Variants in HPSE2 observed in about 807,000 individuals in gnomAD.
HPSE2 encodes the protein inactive heparanase-2.
A neutral mutation model predicts 60.5 loss-of-function variants in HPSE2; 38 were observed. The ratio of observed to expected loss-of-function variants is 0.63; its 90% CI spans 0.48 to 0.82. HPSE2 has a LOEUF of 0.82. Ranked by LOEUF, HPSE2 falls within the 40% of genes least tolerant of loss-of-function variation. HPSE2 has a pLI of 0.00. For synonymous variants in HPSE2, 295 were observed against 293.2 expected (o/e 1.01, Z -0.06); for missense variants, 713 against 740.4 (o/e 0.96, Z 0.43).
intron 9 of HPSE2, among the ~76,000 whole-genome samples, chr10:98,590,794 T>C (rs1371121092): frequency 1.3e-5 from 2 of 152,198 alleles, no homozygotes; most frequent in African/African-American, 4.8e-5. Context: ...CCAGACTGCC[T>C]GGATTTGAAT....
intron 6 of HPSE2, among the ~76,000 whole-genome samples, chr10:98,680,017 A>G (rs1356911712): frequency 2.0e-5 from 3 of 152,128 alleles, no homozygotes; most frequent in African/African-American, 7.2e-5. Flanking sequence ...TTTTTTGAAA[A>G]CTGATTTTTA....
At chr10:98,808,001 T>C (rs1951081281) in intron 3 of HPSE2, among the ~76,000 whole-genome samples, 1 of 152,190 alleles carries the variant, frequency 6.6e-6, no homozygotes, top group Non-Finnish European at 1.5e-5. Context: ...GATAAGTTCT[T>C]CTCAGCTTCA....
intron 2 of HPSE2, among the ~76,000 whole-genome samples, chr10:99,165,537 T>G (rs149182467): frequency 1.3e-4 from 20 of 150,428 alleles, no homozygotes; most frequent in African/African-American, 3.7e-4. Flanking sequence ...ACGTATTTAT[T>G]TATTTATTTA....
At chr10:99,162,030 T>A (rs1342596643) in intron 2 of HPSE2, among the ~76,000 whole-genome samples, 1 of 152,132 alleles carries the variant, frequency 6.6e-6, no homozygotes, top group East Asian at 1.9e-4. Context: ...CTGAGGAGAA[T>A]GGGTATGAAG....
At chr10:98,739,321 G>A (rs900116935) in intron 4 of HPSE2, among the ~76,000 whole-genome samples, 3 of 151,954 alleles carry the variant, frequency 2.0e-5, no homozygotes, top group Admixed American at 6.6e-5. Context: ...GTGGTCTGTC[G>A]TGGGGAGTGG....
At chr10:99,078,957 A>G (rs1343056821) in intron 3 of HPSE2, among the ~76,000 whole-genome samples, 3 of 152,134 alleles carry the variant, frequency 2.0e-5, no homozygotes, top group African/African-American at 7.2e-5. Flanking sequence ...ATTCCAAGAT[A>G]AACGAGACTG....
At chr10:98,595,068 T>C (rs1468313162) in intron 9 of HPSE2, among the ~76,000 whole-genome samples, 1 of 152,120 alleles carries the variant, frequency 6.6e-6, no homozygotes, top group East Asian at 1.9e-4. Flanking sequence ...TCTTCTTCAA[T>C]TTTTTTCATC....
At chr10:98,757,978 G>A (rs1949916693) in intron 3 of HPSE2, among the ~76,000 whole-genome samples, 1 of 152,054 alleles carries the variant, frequency 6.6e-6, no homozygotes, top group Non-Finnish European at 1.5e-5. Flanking sequence ...CACAGTACTG[G>A]TACAAAAACT....
At chr10:98,799,601 G>T (rs1356629450) in intron 3 of HPSE2, among the ~76,000 whole-genome samples, 2 of 151,722 alleles carry the variant, frequency 1.3e-5, no homozygotes, top group African/African-American at 4.8e-5. Context: ...GACCATAATG[G>T]AATAAAACTA....
intron 3 of HPSE2, among the ~76,000 whole-genome samples, chr10:99,032,040 A>C (rs1478146164): frequency 6.6e-6 from 1 of 152,194 alleles, no homozygotes; most frequent in African/African-American, 2.4e-5. Flanking sequence ...TGTCTACATC[A>C]ATCACACCAC....
intron 2 of HPSE2, among the ~76,000 whole-genome samples, chr10:99,197,231 T>C (rs1848430799): frequency 6.6e-6 from 1 of 152,022 alleles, no homozygotes; most frequent in Non-Finnish European, 1.5e-5. Flanking sequence ...GGAAGGGTCA[T>C]GGGGGGTTGG....
At chr10:98,984,409 C>G (rs1956285518) in intron 3 of HPSE2, among the ~76,000 whole-genome samples, 1 of 152,202 alleles carries the variant, frequency 6.6e-6, no homozygotes, top group Non-Finnish European at 1.5e-5. Context: ...CAGCAAACTC[C>G]AACAGAACTG....
At chr10:99,148,842 G>T (rs1356464194) in intron 2 of HPSE2, among the ~76,000 whole-genome samples, 1 of 151,912 alleles carries the variant, frequency 6.6e-6, no homozygotes, top group African/African-American at 2.4e-5. Flanking sequence ...TTGAAACTAT[G>T]ATTCAATGGA....
chr10:98,616,465 A>C (rs2133978273), intron 8 of HPSE2, among the ~76,000 whole-genome samples: 1 of 152,290 alleles, frequency 6.6e-6, no homozygotes, highest in East Asian at 1.9e-4. Flanking sequence ...CATAGTTATG[A>C]TTTCCTAAAT....
intron 9 of HPSE2, among the ~76,000 whole-genome samples, chr10:98,495,194 C>T (rs1489535510): frequency 6.6e-6 from 1 of 151,558 alleles, no homozygotes; most frequent in African/African-American, 2.4e-5. Flanking sequence ...TCTTTTAGCA[C>T]TTTGCATATA....
intron 3 of HPSE2, among the ~76,000 whole-genome samples, chr10:99,090,333 A>C (rs1381346936): frequency 6.6e-6 from 1 of 152,092 alleles, no homozygotes; most frequent in East Asian, 1.9e-4. Context: ...GGTCATTATT[A>C]TATTCTGCAG....
At chr10:98,682,381 A>C (rs1043885738) in intron 6 of HPSE2, among the ~76,000 whole-genome samples, 4 of 152,096 alleles carry the variant, frequency 2.6e-5, no homozygotes, top group Non-Finnish European at 5.9e-5. Context: ...TTTATAAGTT[A>C]CTCTGTCTCA....
At chr10:98,701,711 C>T (rs903031705) in intron 5 of HPSE2, among the ~76,000 whole-genome samples, 3 of 151,976 alleles carry the variant, frequency 2.0e-5, no homozygotes, top group Admixed American at 2.0e-4. Flanking sequence ...CCAAACTAAG[C>T]TTCATAAATG....
At chr10:98,881,199 C>G (rs564522137) in intron 3 of HPSE2, among the ~76,000 whole-genome samples, 55 of 152,150 alleles carry the variant, frequency 3.6e-4, no homozygotes, top group African/African-American at 1.3e-3. Context: ...ATAGAATTAG[C>G]AGGGCTTTTG....
Sources: gnomAD v4.1 joint callset for allele counts (sites outside exome capture counted in the v4.1 genomes callset) on GRCh38, gnomAD v4.1.1 for gene constraint, MANE v1.5 for transcripts, NCBI Gene and HGNC (gene_info 2026-07-23, HGNC 2026-07-21) for gene names.